Variants in SEPTIN6 observed in about 807,000 individuals in gnomAD.
SEPTIN6 encodes septin-6.
SEPTIN6 carries 8 observed loss-of-function variants against 33.6 expected under a neutral mutation model. The ratio of observed to expected loss-of-function variants is 0.24; its 90% CI spans 0.14 to 0.43. SEPTIN6 has a LOEUF of 0.43. SEPTIN6 is among the 20% of genes least tolerant of loss of function. The pLI, the probability that SEPTIN6 is intolerant of heterozygous loss-of-function variation, is 1.00. For missense variants in SEPTIN6, 250 were observed against 340.8 expected (o/e 0.73, Z 2.10); for synonymous variants, 131 against 140.0 (o/e 0.94, Z 0.45).
At chrX:119,636,029 G>A (rs1247271987) in intron 7 of SEPTIN6, among the ~76,000 whole-genome samples, 4 of 111,570 alleles carry the variant, frequency 3.6e-5, no homozygotes, top group Non-Finnish European at 7.5e-5. Flanking sequence ...GCAGATGAAA[G>A]CTGCAGGTGG....
chrX:119,685,630 C>A (rs1487661814), intron 1 of SEPTIN6, among the ~76,000 whole-genome samples: 1 of 111,373 alleles, frequency 9.0e-6, no homozygotes, highest in Non-Finnish European at 1.9e-5. Context: ...AGGATCCAGG[C>A]CCCTGTCGAG....
At chrX:119,675,511 A>T in intron 2 of SEPTIN6, 43 bp downstream of exon 2, 1 of 793,850 alleles carries the variant, frequency 1.3e-6, no homozygotes, top group Non-Finnish European at 1.8e-6. Flanking sequence ...GCCATTAAGG[A>T]TCCATATTCT....
chrX:119,677,579 G>A (rs2054861716), intron 1 of SEPTIN6, among the ~76,000 whole-genome samples: 1 of 112,751 alleles, frequency 8.9e-6, no homozygotes, highest in Admixed American at 9.3e-5. Context: ...AGCATCACAG[G>A]CTGCACTAAG....
At position 119,640,860 on chromosome X, in the gene SEPTIN6, G is replaced by A. The variant is rs747990328; in HGVS notation, c.691-72C>T. 2.4e-4 allele frequency: 222 copies of A among 941,012 alleles called. 1 individual carries two copies. The South Asian group carries it at 4.1e-3, about 18-fold the overall frequency. The allele number at this position is 941,012 out of a possible 1,213,427, so 77.5% of individuals were successfully genotyped here. A position where few individuals can be genotyped will look rare whatever the true frequency, so the allele number is the denominator to read the frequency against. On this transcript the variant is annotated intron_variant, in intron 5 of 10. Coordinates refer to ENST00000394610, the MANE Select transcript of SEPTIN6 (RefSeq NM_145799.4). ...CTGAGTGTTACACAACCCAACTGCT[G>A]TTCGTCTCTGGGGCCCCAGGCCCTC...
intron 10 of SEPTIN6, among the ~76,000 whole-genome samples, chrX:119,623,875 A>G (rs915498657): frequency 8.9e-6 from 1 of 111,886 alleles, no homozygotes; most frequent in Non-Finnish European, 1.9e-5. Flanking sequence ...AACCCTAATT[A>G]TGTTAAATTA....
intron 5 of SEPTIN6, 91 bp downstream of exon 5, chrX:119,649,846 G>T: frequency 1.0e-6 from 1 of 962,826 alleles, no homozygotes; most frequent in Non-Finnish European, 1.5e-6. Flanking sequence ...ACTCCAGCCT[G>T]GGCAACAGAG....
At chrX:119,625,289 G>A in intron 10 of SEPTIN6, 46 bp downstream of exon 10, 3 of 954,645 alleles carry the variant, frequency 3.1e-6, no homozygotes, top group Middle Eastern at 2.6e-4. Context: ...GGGGAGATAT[G>A]TTCTAGAAGC....
intron 4 of SEPTIN6, among the ~76,000 whole-genome samples, chrX:119,651,727 C>T (rs756486369): frequency 3.8e-4 from 43 of 112,318 alleles, no homozygotes; most frequent in Admixed American, 7.5e-4. Context: ...AGGCTTAACT[C>T]GGCCCATCCA....
intron 5 of SEPTIN6, among the ~76,000 whole-genome samples, chrX:119,649,598 G>A (rs139625904): frequency 7.1e-4 from 78 of 110,181 alleles, no homozygotes; most frequent in African/African-American, 2.2e-3. Context: ...AGGGGTCAGC[G>A]TGGTGGCTCA....
At chrX:119,677,507 T>G (rs1189568794) in intron 1 of SEPTIN6, among the ~76,000 whole-genome samples, 1 of 112,120 alleles carries the variant, frequency 8.9e-6, no homozygotes, top group Non-Finnish European at 1.9e-5. Flanking sequence ...AAGCTTTCCA[T>G]AACTAGAAAG....
intron 1 of SEPTIN6, among the ~76,000 whole-genome samples, chrX:119,690,390 A>G (rs1428526296): frequency 2.2e-5 from 2 of 91,247 alleles, no homozygotes; most frequent in African/African-American, 8.0e-5. Flanking sequence ...CACACACACT[A>G]GGGCACTTAC....
At chrX:119,650,929 G>A (rs914845091) in intron 4 of SEPTIN6, among the ~76,000 whole-genome samples, 18 of 111,942 alleles carry the variant, frequency 1.6e-4, no homozygotes, top group African/African-American at 4.9e-4. Flanking sequence ...CCAACCAAAA[G>A]TTCAATCCAC....
At chrX:119,674,936 G>A (rs1221674699) in intron 2 of SEPTIN6, among the ~76,000 whole-genome samples, 1 of 110,444 alleles carries the variant, frequency 9.1e-6, no homozygotes, top group African/African-American at 3.3e-5. Flanking sequence ...GCCGGGCACA[G>A]TGGCTCACAC....
intron 5 of SEPTIN6, among the ~76,000 whole-genome samples, chrX:119,645,196 C>T (rs1055533901): frequency 4.7e-5 from 5 of 107,311 alleles, no homozygotes; most frequent in Non-Finnish European, 9.6e-5. Context: ...GTGTGAGCCA[C>T]CGCGCCTGGC....
At chrX:119,650,773 CAGTT>C (rs940789411) in intron 4 of SEPTIN6, among the ~76,000 whole-genome samples, 1 of 111,687 alleles carries the variant, frequency 9.0e-6, no homozygotes, top group Non-Finnish European at 1.9e-5. Flanking sequence ...ATAATCAACT[CAGTT>C]AGGTGAGGAA....
chrX:119,691,626 A>T (rs2055173747), intron 1 of SEPTIN6, among the ~76,000 whole-genome samples: 1 of 111,973 alleles, frequency 8.9e-6, no homozygotes. Context: ...GGAGGTTCCG[A>T]AGAAATGATC....
At chrX:119,692,770 C>A (rs1322321720) in intron 1 of SEPTIN6, among the ~76,000 whole-genome samples, 1 of 112,763 alleles carries the variant, frequency 8.9e-6, no homozygotes, top group Non-Finnish European at 1.9e-5. Flanking sequence ...ACGCCCCAGC[C>A]GTGGGGCCGC....
chrX:119,670,577 A>G (rs1221655974), intron 2 of SEPTIN6, among the ~76,000 whole-genome samples: 10 of 91,641 alleles, frequency 1.1e-4, no homozygotes, highest in South Asian at 5.7e-4. Flanking sequence ...AAAAAAAAAA[A>G]AAGAAGAAGA....
At chrX:119,652,120 C>T (rs922398982) in intron 4 of SEPTIN6, among the ~76,000 whole-genome samples, 14 of 111,821 alleles carry the variant, frequency 1.3e-4, no homozygotes, top group East Asian at 2.8e-4. Context: ...GACGGGATTT[C>T]GCCATGTTGG....
Sources: allele counts gnomAD v4.1 joint callset (sites outside exome capture counted in the v4.1 genomes callset), GRCh38; gene constraint gnomAD v4.1.1; transcripts MANE v1.5; gene names NCBI Gene and HGNC (gene_info 2026-07-23, HGNC 2026-07-21).